LRP1B: variants seen among roughly 807,000 people sequenced by gnomAD.
The protein encoded by LRP1B is low-density lipoprotein receptor-related protein 1B.
In LRP1B, 217 loss-of-function variants were observed where a neutral mutation model predicts 556.6. The ratio of observed to expected loss-of-function variants is 0.39; its 90% CI spans 0.35 to 0.44. The LOEUF is 0.44. LRP1B is among the 20% of genes least tolerant of loss of function. The pLI, the probability that LRP1B is intolerant of heterozygous loss-of-function variation, is 1.00. For missense variants in LRP1B, 5,053 were observed against 5,620.8 expected, an observed-to-expected ratio of 0.90 and a Z score of 3.23; for synonymous variants, 2,047 against 1,865.8, an observed-to-expected ratio of 1.10 and a Z score of -2.50.
At chr2:141,174,573 G>A (rs76665922) in intron 7 of LRP1B, among the ~76,000 whole-genome samples, 8,324 of 152,122 alleles carry the variant, frequency 0.055, 303 homozygotes, top group South Asian at 0.11. Flanking sequence ...TACTATGATT[G>A]TAAGTTTCCT....
chr2:141,740,947 C>G (rs193081096), intron 2 of LRP1B, among the ~76,000 whole-genome samples: 1 of 152,134 alleles, frequency 6.6e-6, no homozygotes, highest in Admixed American at 6.6e-5. Context: ...GGTAAACCAG[C>G]CTTCTACTTT....
At chr2:141,505,926 C>G (rs1683913863) in intron 2 of LRP1B, among the ~76,000 whole-genome samples, 1 of 151,986 alleles carries the variant, frequency 6.6e-6, no homozygotes, top group African/African-American at 2.4e-5. Context: ...CTTTATGCAC[C>G]AACCACTGTC....
At chr2:141,763,261 C>T (rs535236711) in intron 2 of LRP1B, among the ~76,000 whole-genome samples, 12 of 151,802 alleles carry the variant, frequency 7.9e-5, no homozygotes, top group African/African-American at 2.9e-4. Context: ...ACCTAGTATG[C>T]CCAACTTGAT....
At chr2:140,674,751 G>A (rs1685611373) in intron 41 of LRP1B, among the ~76,000 whole-genome samples, 1 of 152,192 alleles carries the variant, frequency 6.6e-6, no homozygotes, top group South Asian at 2.1e-4. Context: ...CTCATGTTTG[G>A]CTCAGGATAA....
At chr2:141,427,198 C>A (rs184707168) in intron 3 of LRP1B, among the ~76,000 whole-genome samples, 1 of 152,268 alleles carries the variant, frequency 6.6e-6, no homozygotes, top group East Asian at 1.9e-4. Context: ...AAAATATAAT[C>A]TGACTTGATT....
intron 5 of LRP1B, among the ~76,000 whole-genome samples, chr2:141,230,363 A>T (rs903071907): frequency 2.0e-5 from 3 of 152,186 alleles, no homozygotes; most frequent in Non-Finnish European, 4.4e-5. Context: ...TCCTGCCATG[A>T]TCACTCATCT....
intron 3 of LRP1B, among the ~76,000 whole-genome samples, chr2:141,425,166 G>A (rs910500477): frequency 2.0e-5 from 3 of 151,558 alleles, no homozygotes; most frequent in Admixed American, 6.6e-5. Context: ...GAGAACATGC[G>A]GTATTTGGTT....
At chr2:140,279,802 A>G (rs571173652) in intron 84 of LRP1B, among the ~76,000 whole-genome samples, 93 of 152,028 alleles carry the variant, frequency 6.1e-4, no homozygotes, top group African/African-American at 2.2e-3. Context: ...TTACTAAATA[A>G]ACACCATTTT....
chr2:140,852,548 A>G (rs893721076), intron 27 of LRP1B, among the ~76,000 whole-genome samples: 3 of 152,194 alleles, frequency 2.0e-5, no homozygotes, highest in Non-Finnish European at 4.4e-5. Context: ...CTACTGGTAC[A>G]TATATACCTT....
rs2105303121 is a variant in LRP1B, at chr2:140,951,960, G to A, written c.2888-20C>T. 1.4e-5 allele frequency: 22 copies of A among 1,547,636 alleles called. No homozygotes were observed. Among genetic ancestry groups the A allele is most frequent in the East Asian group, 2.2e-5 (1 of 44,496 alleles). On this transcript the variant is annotated intron_variant, in intron 18 of 90. Coordinates refer to ENST00000389484, the MANE Select transcript of LRP1B (RefSeq NM_018557.3). ...GGAATTCTGTGAAAGATATAAAAAT[G>A]TCCAAAAGGTAACATGTTATTGACT... is the stretch of plus-strand genomic sequence containing the variant.
chr2:141,410,096 C>G (rs1690795070), intron 3 of LRP1B, among the ~76,000 whole-genome samples: 2 of 151,944 alleles, frequency 1.3e-5, no homozygotes, highest in South Asian at 4.2e-4. Context: ...TTAAAACCAA[C>G]CTATCATACT....
intron 3 of LRP1B, among the ~76,000 whole-genome samples, chr2:141,281,607 TAGAG>T (rs1427751644): frequency 6.6e-6 from 1 of 152,028 alleles, no homozygotes; most frequent in Non-Finnish European, 1.5e-5. Flanking sequence ...TTTCAAATAG[TAGAG>T]AGTCAGTATA....
intron 1 of LRP1B, among the ~76,000 whole-genome samples, chr2:142,085,324 T>A (rs546576014): frequency 6.6e-6 from 1 of 152,258 alleles, no homozygotes; most frequent in East Asian, 1.9e-4. Flanking sequence ...GAGATAACAA[T>A]CTCTGTCATG....
At chr2:140,617,865 G>A (rs1683313173) in intron 41 of LRP1B, among the ~76,000 whole-genome samples, 1 of 151,932 alleles carries the variant, frequency 6.6e-6, no homozygotes, top group African/African-American at 2.4e-5. Context: ...AAAAACTGTT[G>A]AGAACTTTCT....
At chr2:141,682,827 T>C (rs1037653024) in intron 2 of LRP1B, among the ~76,000 whole-genome samples, 1 of 152,190 alleles carries the variant, frequency 6.6e-6, no homozygotes, top group South Asian at 2.1e-4. Context: ...TTTTTGTATC[T>C]AGAAATCTCT....
At chr2:140,496,892 A>AATTT (rs141106287) in intron 55 of LRP1B, among the ~76,000 whole-genome samples, 3,240 of 147,138 alleles carry the variant, frequency 0.022, 56 homozygotes, top group East Asian at 0.04. Context: ...ATTTGGATAA[A>AATTT]ATTTATTTAT....
intron 42 of LRP1B, among the ~76,000 whole-genome samples, 173 bp downstream of exon 42, chr2:140,601,277 C>A (rs997702797): frequency 1.3e-5 from 2 of 150,944 alleles, no homozygotes; most frequent in Admixed American, 6.6e-5. Flanking sequence ...TTAAAGGGAC[C>A]AGATTTTTCA....
At chr2:140,642,786 T>C (rs754646448) in intron 41 of LRP1B, among the ~76,000 whole-genome samples, 11 of 151,954 alleles carry the variant, frequency 7.2e-5, no homozygotes, top group Non-Finnish European at 1.3e-4. Flanking sequence ...GGAGCTTGCA[T>C]TGAGCCGAGA....
At position 140,712,237 on chromosome 2, in the gene LRP1B, C is replaced by T. The variant is rs1687055942; in HGVS notation, c.6023+3736G>A. On this transcript the variant is annotated intron_variant, in intron 37 of 90. Coordinates refer to ENST00000389484, the MANE Select transcript of LRP1B (RefSeq NM_018557.3). ...TGGGAATCTGAATACCAAGTTCCGT[C>T]ACTGTAAGGTAAAGTTTAGACTCTA... Among the ~76,000 whole-genome samples the T allele has an allele frequency of 3.3e-5, 5 of 152,200 alleles. 1 individual carries two copies. Among genetic ancestry groups the T allele is most frequent in the Middle Eastern group, 6.8e-3 (2 of 294 alleles).
Sources: allele counts gnomAD v4.1 joint callset (sites outside exome capture counted in the v4.1 genomes callset), GRCh38; gene constraint gnomAD v4.1.1; transcripts MANE v1.5; gene names NCBI Gene and HGNC (gene_info 2026-07-23, HGNC 2026-07-21).